Variants in SH3BGRL2 observed in about 807,000 individuals in gnomAD.
SH3BGRL2 encodes the protein SH3 domain binding glutamate rich protein like 2, also known as SH3 domain-binding glutamic acid-rich-like protein 2.
In SH3BGRL2, 21 loss-of-function variants were observed where a neutral mutation model predicts 14.8. The ratio of observed to expected loss-of-function variants is 1.42; its 90% CI spans 1.01 to 2.05. SH3BGRL2 has a LOEUF of 2.05. Among genes scored for constraint, SH3BGRL2 ranks in the 30% most tolerant of loss-of-function variants. The pLI is 0.00. For synonymous variants in SH3BGRL2, 50 were observed against 47.8 expected (o/e 1.05, Z -0.19); for missense variants, 147 against 130.8 (o/e 1.12, Z -0.61).
chr6:79,559,959 TAAATA>T, the SH3BGRL2 span, among the ~76,000 whole-genome samples: 1 of 152,102 alleles, frequency 6.6e-6, no homozygotes, highest in Non-Finnish European at 1.5e-5. Flanking sequence ...AAATTGTTTC[TAAATA>T]AAAGGTAAGA....
the SH3BGRL2 span, among the ~76,000 whole-genome samples, chr6:79,577,437 T>C: frequency 6.6e-6 from 1 of 152,226 alleles, no homozygotes; most frequent in Non-Finnish European, 1.5e-5. Flanking sequence ...TAGCCATATA[T>C]ACTAAACCCT....
chr6:79,649,998 C>CACACACAG (rs1769253266), intron 1 of SH3BGRL2, among the ~76,000 whole-genome samples: 1 of 151,670 alleles, frequency 6.6e-6, no homozygotes, highest in Non-Finnish European at 1.5e-5. Context: ...CACACACACA[C>CACACACAG]ACACACACAC....
At chr6:79,636,812 G>A (rs914312757) in intron 1 of SH3BGRL2, among the ~76,000 whole-genome samples, 1 of 152,100 alleles carries the variant, frequency 6.6e-6, no homozygotes, top group Non-Finnish European at 1.5e-5. Context: ...CTCTGTGCAT[G>A]TATCTTTGTG....
the SH3BGRL2 span, among the ~76,000 whole-genome samples, chr6:79,585,820 C>T: frequency 1.3e-5 from 2 of 151,248 alleles, no homozygotes; most frequent in Admixed American, 1.3e-4. Flanking sequence ...GCAAGCTTGT[C>T]CGACCTGTAG....
At chr6:79,630,103 G>A (rs1186116971), upstream of SH3BGRL2, among the ~76,000 whole-genome samples, 1 of 152,086 alleles carries the variant, frequency 6.6e-6, no homozygotes, top group Non-Finnish European at 1.5e-5. Context: ...TAAACACGAA[G>A]AAGAAATAAA....
chr6:79,654,250 T>C (rs532785645), intron 1 of SH3BGRL2, among the ~76,000 whole-genome samples: 2 of 152,338 alleles, frequency 1.3e-5, no homozygotes, highest in African/African-American at 4.8e-5. Context: ...TTGTATTCAC[T>C]GAAGTTTTGA....
At chr6:79,626,229 G>A in the SH3BGRL2 span, among the ~76,000 whole-genome samples, 1 of 152,104 alleles carries the variant, frequency 6.6e-6, no homozygotes, top group East Asian at 1.9e-4. Context: ...AGCAGCCTGG[G>A]CAACATAGCA....
At chr6:79,597,463 C>T in the SH3BGRL2 span, among the ~76,000 whole-genome samples, 1 of 151,878 alleles carries the variant, frequency 6.6e-6, no homozygotes, top group African/African-American at 2.4e-5. Flanking sequence ...AGAAATAAGT[C>T]CTCACATTTA....
chr6:79,569,644 T>G, the SH3BGRL2 span, among the ~76,000 whole-genome samples: 2 of 152,202 alleles, frequency 1.3e-5, no homozygotes, highest in African/African-American at 2.4e-5. Context: ...CATCCTGTCT[T>G]GGCCTGAACT....
chr6:79,669,382 C>A (rs12176150), intron 1 of SH3BGRL2, among the ~76,000 whole-genome samples: 16,136 of 151,224 alleles, frequency 0.11, 1,162 homozygotes, highest in East Asian at 0.33. Context: ...TACCTGTGAA[C>A]GTCTTGTCTA....
chr6:79,547,813 C>T, the SH3BGRL2 span, among the ~76,000 whole-genome samples: 1 of 151,996 alleles, frequency 6.6e-6, no homozygotes, highest in African/African-American at 2.4e-5. Context: ...TTGTTAATAC[C>T]CTACTAAGCT....
intron 1 of SH3BGRL2, among the ~76,000 whole-genome samples, chr6:79,654,350 GA>G (rs1281799337): frequency 6.6e-6 from 1 of 152,146 alleles, no homozygotes; most frequent in East Asian, 1.9e-4. Flanking sequence ...CCTTTCCAGT[GA>G]ACAAATGGAT....
At chr6:79,673,497 A>G in intron 1 of SH3BGRL2, 117 bp from the exon 2 acceptor site, 1 of 979,470 alleles carries the variant, frequency 1.0e-6, no homozygotes, top group Non-Finnish European at 1.5e-6. Flanking sequence ...AGTGCATGAC[A>G]CCTACATAAA....
chr6:79,683,295 C>A (rs1229052173), intron 2 of SH3BGRL2, among the ~76,000 whole-genome samples: 8 of 152,166 alleles, frequency 5.3e-5, no homozygotes, highest in Admixed American at 5.2e-4. Context: ...ATTTATGGGA[C>A]CTGCTTCAAA....
intron 1 of SH3BGRL2, among the ~76,000 whole-genome samples, chr6:79,636,222 A>C (rs1261298246): frequency 6.6e-6 from 1 of 152,182 alleles, no homozygotes; most frequent in South Asian, 2.1e-4. Flanking sequence ...CTTTAGTCAA[A>C]CCCTGGTGGG....
At chr6:79,603,638 T>C in the SH3BGRL2 span, among the ~76,000 whole-genome samples, 2 of 152,174 alleles carry the variant, frequency 1.3e-5, no homozygotes, top group Admixed American at 6.5e-5. Context: ...GGATAAGAAT[T>C]GTGGTATCAC....
chr6:79,538,585 C>T, the SH3BGRL2 span, among the ~76,000 whole-genome samples: 2 of 152,188 alleles, frequency 1.3e-5, no homozygotes, highest in African/African-American at 2.4e-5. Flanking sequence ...TCTGTCTCTG[C>T]TGACACTGTT....
chr6:79,692,809 C>T (rs1173833013), intron 2 of SH3BGRL2, among the ~76,000 whole-genome samples: 1 of 152,022 alleles, frequency 6.6e-6, no homozygotes, highest in Non-Finnish European at 1.5e-5. Context: ...TGGCTTTGTT[C>T]TTTTGGCTTA....
At chr6:79,611,116 C>T in the SH3BGRL2 span, among the ~76,000 whole-genome samples, 1 of 152,160 alleles carries the variant, frequency 6.6e-6, no homozygotes, top group Non-Finnish European at 1.5e-5. Flanking sequence ...AACTTGGATC[C>T]ATAGTCTAAT....
Sources: allele counts gnomAD v4.1 joint callset (sites outside exome capture counted in the v4.1 genomes callset), GRCh38; gene constraint gnomAD v4.1.1; transcripts MANE v1.5; gene names NCBI Gene and HGNC (gene_info 2026-07-23, HGNC 2026-07-21).